The following ARHGEF4 variants were observed in gnomAD, a reference collection of about 807,000 sequenced individuals.
ARHGEF4 encodes APC-stimulated guanine nucleotide exchange factor 1.
In ARHGEF4, 119 loss-of-function variants were observed where a neutral mutation model predicts 162.0. That is an observed-to-expected ratio of 0.73 (90% confidence interval 0.63 to 0.86). The LOEUF (loss-of-function observed/expected upper bound fraction) is 0.86, where lower values mean the gene tolerates loss of function less well. Among genes scored for constraint, ARHGEF4 ranks in the 40% least tolerant of loss-of-function variants. The pLI is 0.00. For missense variants in ARHGEF4, 2,488 were observed against 2,456.0 expected (o/e 1.01, Z -0.28); for synonymous variants, 1,014 against 979.9 (o/e 1.03, Z -0.65).
chr2:131,016,117 C>T (rs1019047779), intron 4 of ARHGEF4, among the ~76,000 whole-genome samples: 1 of 152,164 alleles, frequency 6.6e-6, no homozygotes, highest in Non-Finnish European at 1.5e-5. Flanking sequence ...GCTTCTGGGA[C>T]TAGATGCTGT....
In ARHGEF4 at chr2:130,915,438, C is replaced by A; in HGVS notation, c.1492C>A (p.Gln498Lys). 3 of 1,550,592 alleles carry A rather than the reference C, an allele frequency of 1.9e-6. No individual in the cohort carries two copies. The highest frequency in any genetic ancestry group is 2.6e-6 in the Non-Finnish European group (3 of 1,147,006). ...GAAGCACCTCTGGGGCATTTCTGTCCAGGCAGGAAACCAAACCAGTAATTA... is the reference window on the plus strand; with the variant it reads ...GAAGCACCTCTGGGGCATTTCTGTCAAGGCAGGAAACCAAACCAGTAATTA... ...TQKHLWGISVQAGNQTSNYTS... is the reference protein window; with the variant it reads ...TQKHLWGISVKAGNQTSNYTS... The change falls in exon 2 of 14, where the codon CAG becomes AAG. Residue 498 changes from glutamine (Q) to lysine (K), a missense_variant. Physicochemically the swap from Gln to Lys is moderately conservative, Grantham distance 53. Around this residue, in one of 6 missense-constraint regions of ARHGEF4, gnomAD observed 1,642 missense variants for 1,481.5 expected, o/e 1.11. Transcript: ENST00000409359.
chr2:130,936,801 G>A (rs1288954772), intron 3 of ARHGEF4, among the ~76,000 whole-genome samples: 1 of 151,442 alleles, frequency 6.6e-6, no homozygotes, highest in East Asian at 1.9e-4. Flanking sequence ...CTTCTTGGAT[G>A]TGTAGATTCA....
intron 1 of ARHGEF4, among the ~76,000 whole-genome samples, chr2:130,856,937 CAT>C (rs1681831337): frequency 6.6e-6 from 1 of 152,146 alleles, no homozygotes; most frequent in Admixed American, 6.6e-5. Context: ...TAAAAGTTAA[CAT>C]AGGCTGGGTG....
intron 6 of ARHGEF4, 47 bp downstream of exon 6, chr2:131,039,079 C>T (rs759386987): frequency 6.5e-7 from 1 of 1,541,384 alleles, no homozygotes. Flanking sequence ...CCATAAAAAG[C>T]TACCTGGTTC....
At chr2:131,045,741 G>A (rs1691199083) in intron 13 of ARHGEF4, 1 of 1,432,178 alleles carries the variant, frequency 7.0e-7, no homozygotes, top group Non-Finnish European at 9.1e-7. Flanking sequence ...GTTGGTGTAG[G>A]GATGGAGCTG....
intron 1 of ARHGEF4, among the ~76,000 whole-genome samples, chr2:130,887,137 A>T (rs1679571137): frequency 6.6e-6 from 1 of 151,982 alleles, no homozygotes; most frequent in Non-Finnish European, 1.5e-5. Context: ...TTGCATTTCT[A>T]TATAAATTTT....
At chr2:130,892,313 A>G (rs1679902545) in intron 1 of ARHGEF4, among the ~76,000 whole-genome samples, 1 of 152,112 alleles carries the variant, frequency 6.6e-6, no homozygotes, top group South Asian at 2.1e-4. Flanking sequence ...TCTCCAGTAG[A>G]CGTCGACTGG....
intron 1 of ARHGEF4, among the ~76,000 whole-genome samples, chr2:130,886,554 A>G (rs140989324): frequency 0.021 from 3,168 of 151,660 alleles, 95 homozygotes; most frequent in East Asian, 0.12. Context: ...GGTGGCGGGC[A>G]CCTGTAGTCC....
At chr2:130,962,151 A>G (rs1226456449) in intron 4 of ARHGEF4, among the ~76,000 whole-genome samples, 1 of 151,942 alleles carries the variant, frequency 6.6e-6, no homozygotes, top group Non-Finnish European at 1.5e-5. Flanking sequence ...AGGCAGGAGA[A>G]TCGCTTAAAC....
intron 5 of ARHGEF4, among the ~76,000 whole-genome samples, chr2:131,029,721 T>A (rs1323904932): frequency 1.3e-5 from 2 of 152,098 alleles, no homozygotes; most frequent in Non-Finnish European, 2.9e-5. Context: ...ACCTGGCTAA[T>A]TTTTGTACTT....
chr2:130,995,393 A>G (rs78698717), intron 4 of ARHGEF4, among the ~76,000 whole-genome samples: 4,800 of 152,108 alleles, frequency 0.032, 198 homozygotes, highest in African/African-American at 0.1. Flanking sequence ...TTCTCCATTG[A>G]GATAGTCAAC....
chr2:130,971,876 T>C (rs7591135), intron 4 of ARHGEF4, among the ~76,000 whole-genome samples: 7,235 of 152,256 alleles, frequency 0.048, 190 homozygotes, highest in Middle Eastern at 0.071. Flanking sequence ...TGGTGAATTC[T>C]TCTCTTCTCG....
intron 4 of ARHGEF4, among the ~76,000 whole-genome samples, chr2:130,974,616 ATTTT>A (rs70994726): frequency 6.0e-5 from 8 of 134,244 alleles, no homozygotes; most frequent in East Asian, 4.3e-4. Context: ...ACACCCAGCT[ATTTT>A]TTTTTTTTTT....
chr2:130,856,958 C>A (rs142993475), intron 1 of ARHGEF4, among the ~76,000 whole-genome samples: 2,231 of 152,292 alleles, frequency 0.015, 51 homozygotes, highest in African/African-American at 0.05. Context: ...TGCAGTGGCT[C>A]ACGCCTGTAA....
intron 1 of ARHGEF4, among the ~76,000 whole-genome samples, chr2:130,868,646 A>G (rs1213312278): frequency 6.6e-6 from 1 of 152,202 alleles, no homozygotes; most frequent in East Asian, 1.9e-4. Flanking sequence ...AGGACTTTGC[A>G]AACATTCTAG....
intron 4 of ARHGEF4, among the ~76,000 whole-genome samples, chr2:130,991,882 C>T (rs1415516416): frequency 6.6e-6 from 1 of 152,254 alleles, no homozygotes; most frequent in Admixed American, 6.5e-5. Context: ...GGTGCGGGAT[C>T]CACTGGGTGA....
intron 4 of ARHGEF4, among the ~76,000 whole-genome samples, chr2:131,011,161 A>G (rs757654050): frequency 6.6e-6 from 1 of 152,208 alleles, no homozygotes; most frequent in Non-Finnish European, 1.5e-5. Context: ...GTAAACAAAA[A>G]TGTTTGTTGA....
chr2:131,041,716 C>A, intron 9 of ARHGEF4, 99 bp from the exon 10 acceptor site: 1 of 1,506,624 alleles, frequency 6.6e-7, no homozygotes, highest in Non-Finnish European at 8.9e-7. Flanking sequence ...AAGGGCACAG[C>A]CCCAGAGGAA....
chr2:130,970,106 T>C (rs542070375), intron 4 of ARHGEF4, among the ~76,000 whole-genome samples: 1 of 152,236 alleles, frequency 6.6e-6, no homozygotes, highest in Non-Finnish European at 1.5e-5. Flanking sequence ...AACATTAGTA[T>C]GTGAGTCTTT....
Sources: gnomAD v4.1 joint callset for allele counts (sites outside exome capture counted in the v4.1 genomes callset) on GRCh38, gnomAD v4.1.1 for gene constraint, gnomAD v4.1.1 regional missense constraint, MANE v1.5 for transcripts, NCBI Gene and HGNC (gene_info 2026-07-23, HGNC 2026-07-21) for gene names.